The following HTR4 variants were observed in gnomAD, a reference collection of about 807,000 sequenced individuals.
HTR4 encodes the protein 5-hydroxytryptamine (serotonin) receptor 4, G protein-coupled.
A neutral mutation model predicts 36.8 loss-of-function variants in HTR4; 16 were observed. The observed-to-expected ratio is 0.43, with a 90% confidence interval of 0.29 to 0.66. The LOEUF is 0.66. Ranked by LOEUF, HTR4 falls within the 30% of genes least tolerant of loss-of-function variation. HTR4 has a pLI of 0.13. For synonymous variants in HTR4, 189 were observed against 185.1 expected (o/e 1.02, Z -0.17); for missense variants, 438 against 490.9 (o/e 0.89, Z 1.02).
intron 5 of HTR4, among the ~76,000 whole-genome samples, chr5:148,518,174 G>T (rs922657940): frequency 3.3e-5 from 5 of 151,764 alleles, no homozygotes; most frequent in African/African-American, 1.2e-4. Flanking sequence ...TCTGCTATCC[G>T]GTTCACCTGC....
intron 2 of HTR4, among the ~76,000 whole-genome samples, chr5:148,551,867 T>G (rs1759713680): frequency 2.0e-5 from 3 of 152,160 alleles, no homozygotes; most frequent in African/African-American, 7.2e-5. Context: ...TTAGACAAGT[T>G]TGTCCTAGAC....
chr5:148,610,261 C>G (rs6580559), intron 2 of HTR4, among the ~76,000 whole-genome samples: 70,492 of 151,950 alleles, frequency 0.46, 16,635 homozygotes, highest in East Asian at 0.67. Flanking sequence ...ACAGAAGATG[C>G]GTGATTTCTG....
intron 6 of HTR4, among the ~76,000 whole-genome samples, chr5:148,496,343 A>C (rs549026705): frequency 6.6e-6 from 1 of 152,292 alleles, no homozygotes; most frequent in Admixed American, 6.5e-5. Flanking sequence ...TTCTAATGTG[A>C]GTGATCTGCA....
intron 2 of HTR4, among the ~76,000 whole-genome samples, chr5:148,607,324 T>A (rs1263558271): frequency 1.3e-5 from 2 of 152,196 alleles, no homozygotes; most frequent in African/African-American, 4.8e-5. Flanking sequence ...GTTCAGATAC[T>A]TCGGTCAAAA....
At chr5:148,581,203 T>G (rs1761119765) in intron 2 of HTR4, among the ~76,000 whole-genome samples, 1 of 152,068 alleles carries the variant, frequency 6.6e-6, no homozygotes, top group Non-Finnish European at 1.5e-5. Flanking sequence ...ATTTGATTTT[T>G]TTGCTATTGA....
At chr5:148,632,473 G>A (rs1212752412) in intron 2 of HTR4, among the ~76,000 whole-genome samples, 2 of 152,170 alleles carry the variant, frequency 1.3e-5, no homozygotes, top group African/African-American at 4.8e-5. Context: ...GGTCAGTGAA[G>A]CAAGAGGATA....
At chr5:148,532,261 C>T (rs965512123) in intron 4 of HTR4, among the ~76,000 whole-genome samples, 11 of 152,152 alleles carry the variant, frequency 7.2e-5, no homozygotes, top group African/African-American at 2.7e-4. Flanking sequence ...CACAGGACAC[C>T]TGTGCCCCTA....
At chr5:148,476,794 G>A (rs775603892), downstream of HTR4, 11 of 1,609,764 alleles carry the variant, frequency 6.8e-6, no homozygotes, top group Middle Eastern at 6.6e-4. Context: ...ACACTGAAAA[G>A]CATATCAAAA....
intron 1 of HTR4, among the ~76,000 whole-genome samples, chr5:148,640,036 G>A (rs1456834078): frequency 6.6e-6 from 1 of 152,096 alleles, no homozygotes; most frequent in African/African-American, 2.4e-5. Context: ...TATAGATGAA[G>A]AGACTGAGGG....
At chr5:148,596,011 CTG>C (rs1366040140) in intron 2 of HTR4, among the ~76,000 whole-genome samples, 2 of 152,240 alleles carry the variant, frequency 1.3e-5, no homozygotes, top group African/African-American at 2.4e-5. Flanking sequence ...CGATCAAAGA[CTG>C]TGGCTGCAAA....
intron 2 of HTR4, among the ~76,000 whole-genome samples, chr5:148,604,886 A>G (rs1752083090): frequency 1.3e-5 from 2 of 152,242 alleles, no homozygotes; most frequent in African/African-American, 2.4e-5. Context: ...TTGTTCCAAT[A>G]AAAACATTTT....
intron 2 of HTR4, among the ~76,000 whole-genome samples, chr5:148,609,284 G>A (rs1752308760): frequency 6.6e-6 from 1 of 152,134 alleles, no homozygotes; most frequent in South Asian, 2.1e-4. Flanking sequence ...TTGATCACAT[G>A]CCCCCAAATA....
intron 2 of HTR4, among the ~76,000 whole-genome samples, chr5:148,612,130 G>A (rs1752459850): frequency 6.6e-6 from 1 of 152,100 alleles, no homozygotes; most frequent in South Asian, 2.1e-4. Context: ...GAGACAGAAA[G>A]TCAACAAGGA....
At chr5:148,473,065 C>T (rs576418809), downstream of HTR4, among the ~76,000 whole-genome samples, 2 of 151,954 alleles carry the variant, frequency 1.3e-5, no homozygotes, top group Non-Finnish European at 2.9e-5. Context: ...TTTGGGAGGC[C>T]GAGGCGGGTG....
downstream of HTR4, chr5:148,476,765 A>G: frequency 1.9e-6 from 3 of 1,613,408 alleles, no homozygotes; most frequent in Non-Finnish European, 2.5e-6. Flanking sequence ...GAGATCAAAA[A>G]GAACGTAATT....
chr5:148,549,140 C>T lies in HTR4; in HGVS notation c.153-272G>A, dbSNP rs536211290. 5.3e-5 allele frequency among the ~76,000 whole-genome samples: 8 copies of T among 152,292 alleles called. No individual in the cohort carries two copies. The East Asian group carries it at 1.5e-3, about 29-fold the overall frequency. ...TACCAAAACCTCTTTTTTCCTCCCC[C>T]TTCTGGCCACCCTGCCCTAATCTGA... On this transcript the variant is annotated intron_variant, in intron 3 of 6. Transcript: ENST00000377888.
At chr5:148,600,767 T>G (rs1761961047) in intron 2 of HTR4, among the ~76,000 whole-genome samples, 1 of 149,888 alleles carries the variant, frequency 6.7e-6, no homozygotes, top group Non-Finnish European at 1.5e-5. Context: ...CTGGCAATAA[T>G]TTTTTTTAGG....
chr5:148,586,658 G>A (rs891803648), intron 2 of HTR4, among the ~76,000 whole-genome samples: 5 of 152,090 alleles, frequency 3.3e-5, no homozygotes, highest in Non-Finnish European at 4.4e-5. Flanking sequence ...GATGAGATTT[G>A]GGTGGGGATA....
At chr5:148,508,801 T>C (rs538523216) in intron 6 of HTR4, among the ~76,000 whole-genome samples, 332 of 152,312 alleles carry the variant, frequency 2.2e-3, no homozygotes, top group African/African-American at 7.3e-3. Flanking sequence ...CTATTGGTCC[T>C]AATATTAAAT....
Sources: allele counts gnomAD v4.1 joint callset (sites outside exome capture counted in the v4.1 genomes callset), GRCh38; gene constraint gnomAD v4.1.1; transcripts MANE v1.5; gene names NCBI Gene and HGNC (gene_info 2026-07-23, HGNC 2026-07-21).